Variants in NKAIN3 observed in about 807,000 individuals in gnomAD.
The protein encoded by NKAIN3 is sodium/potassium transporting ATPase interacting 3.
Under a neutral mutation model 30.2 loss-of-function variants are expected in NKAIN3, and 25 were observed. The observed-to-expected ratio is 0.83, with a 90% CI of 0.60 to 1.16. The LOEUF (loss-of-function observed/expected upper bound fraction) is 1.16. Among genes scored for constraint, NKAIN3 ranks in the 50% most tolerant of loss-of-function variants. NKAIN3 has a pLI of 0.00. For missense variants in NKAIN3, 225 were observed against 254.1 expected (o/e 0.89, Z 0.78); for synonymous variants, 91 against 89.6 (o/e 1.02, Z -0.09).
At chr8:62,830,007 T>C (rs987126949) in intron 4 of NKAIN3, among the ~76,000 whole-genome samples, 1 of 152,222 alleles carries the variant, frequency 6.6e-6, no homozygotes, top group Non-Finnish European at 1.5e-5. Flanking sequence ...GACATAAACA[T>C]TGTGTTCTAG....
At chr8:62,662,777 T>C (rs147831825) in intron 3 of NKAIN3, among the ~76,000 whole-genome samples, 1 of 152,320 alleles carries the variant, frequency 6.6e-6, no homozygotes, top group Non-Finnish European at 1.5e-5. Context: ...ATGTACAAAA[T>C]ACTTTAAAAG....
chr8:62,519,574 T>G (rs1482701401), intron 1 of NKAIN3, among the ~76,000 whole-genome samples: 2 of 152,136 alleles, frequency 1.3e-5, no homozygotes, highest in East Asian at 3.9e-4. Context: ...GCTTTTAACT[T>G]AAAGTGATAG....
At chr8:62,580,716 A>T (rs1810260427) in intron 2 of NKAIN3, among the ~76,000 whole-genome samples, 1 of 152,082 alleles carries the variant, frequency 6.6e-6, no homozygotes, top group Admixed American at 6.6e-5. Context: ...AATAGACTGC[A>T]TTCCAATGGC....
intron 3 of NKAIN3, among the ~76,000 whole-genome samples, chr8:62,591,416 A>G (rs1317524206): frequency 6.6e-6 from 1 of 152,012 alleles, no homozygotes; most frequent in Non-Finnish European, 1.5e-5. Context: ...TGTTTATTAT[A>G]CACATGATAT....
At chr8:62,738,402 C>A (rs1280946317) in intron 3 of NKAIN3, among the ~76,000 whole-genome samples, 1 of 152,036 alleles carries the variant, frequency 6.6e-6, no homozygotes, top group Admixed American at 6.6e-5. Context: ...GAGTTCAAGA[C>A]CAGACTGGCC....
rs1356489852 is a variant in NKAIN3 at position 62,965,566 on chromosome 8, C to T, written c.*159C>T. On this transcript the variant is annotated 3_prime_UTR_variant, in exon 7 of 7. Coordinates refer to ENST00000623646, the MANE Select transcript of NKAIN3 (RefSeq NM_001304533.3). ...TTGTTCTCTAGATGAGTTCTAGGTGCTTGGGTGGGTATTTTTTTAGTCGTT... is the reference window on the plus strand; with the variant it reads ...TTGTTCTCTAGATGAGTTCTAGGTGTTTGGGTGGGTATTTTTTTAGTCGTT... 6 of 976,828 alleles carry T rather than the reference C, an allele frequency of 6.1e-6. No homozygotes were observed. The highest frequency in any genetic ancestry group is 7.2e-6 in the Non-Finnish European group (6 of 828,130). 60.5% of individuals were successfully genotyped at this position (976,828 alleles called of 1,614,324 possible).
intron 1 of NKAIN3, among the ~76,000 whole-genome samples, chr8:62,374,039 G>T (rs941423390): frequency 3.3e-5 from 5 of 149,648 alleles, no homozygotes; most frequent in Admixed American, 2.7e-4. Context: ...CTTGAACCTG[G>T]GAGGCAGAGG....
intron 1 of NKAIN3, among the ~76,000 whole-genome samples, chr8:62,457,064 A>T (rs994981177): frequency 6.6e-6 from 1 of 152,212 alleles, no homozygotes; most frequent in Non-Finnish European, 1.5e-5. Flanking sequence ...CCTGGCATGT[A>T]GTAGGTGCTT....
At chr8:62,345,314 C>T (rs1037438623) in intron 1 of NKAIN3, among the ~76,000 whole-genome samples, 1 of 74,758 alleles carries the variant, frequency 1.3e-5, no homozygotes, top group Non-Finnish European at 3.1e-5. Flanking sequence ...TGTATATATA[C>T]ACACATATAT....
intron 4 of NKAIN3, among the ~76,000 whole-genome samples, chr8:62,813,965 C>T (rs1818580517): frequency 6.6e-6 from 1 of 152,024 alleles, no homozygotes; most frequent in Non-Finnish European, 1.5e-5. Context: ...TATATCATCT[C>T]ATTCTGTCCA....
chr8:62,721,669 A>G (rs989828115), intron 3 of NKAIN3, among the ~76,000 whole-genome samples: 2 of 152,230 alleles, frequency 1.3e-5, no homozygotes, highest in Non-Finnish European at 2.9e-5. Flanking sequence ...AGAAAAAAAT[A>G]TGCATTCATT....
At chr8:62,568,053 A>G (rs1809812809) in intron 1 of NKAIN3, among the ~76,000 whole-genome samples, 1 of 152,192 alleles carries the variant, frequency 6.6e-6, no homozygotes, top group South Asian at 2.1e-4. Context: ...GAAAAGTGCA[A>G]CTTTCCTTTT....
At chr8:62,963,460 G>A (rs77881920) in intron 6 of NKAIN3, among the ~76,000 whole-genome samples, 173 of 152,240 alleles carry the variant, frequency 1.1e-3, no homozygotes, top group African/African-American at 4.1e-3. Flanking sequence ...TGGTGTTAAA[G>A]ATAAATGTAA....
At chr8:62,481,031 A>G (rs1211305175) in intron 1 of NKAIN3, among the ~76,000 whole-genome samples, 2 of 152,192 alleles carry the variant, frequency 1.3e-5, no homozygotes, top group African/African-American at 4.8e-5. Context: ...GTAGTTATTT[A>G]AAAACTCAAC....
intron 1 of NKAIN3, among the ~76,000 whole-genome samples, chr8:62,516,255 T>C (rs889029627): frequency 1.2e-4 from 18 of 152,272 alleles, no homozygotes; most frequent in African/African-American, 3.8e-4. Context: ...TTCAAGGTTG[T>C]TGATTTTTCT....
intron 1 of NKAIN3, among the ~76,000 whole-genome samples, chr8:62,394,764 T>C (rs1651678342): frequency 6.7e-6 from 1 of 149,556 alleles, no homozygotes; most frequent in Admixed American, 6.7e-5. Flanking sequence ...GCAGAGGCGC[T>C]CATCACTTCT....
chr8:62,960,735 G>GCGCACACA (rs1554596932), intron 6 of NKAIN3, among the ~76,000 whole-genome samples: 179 of 148,538 alleles, frequency 1.2e-3, no homozygotes, highest in African/African-American at 4.3e-3. Flanking sequence ...CAGGAAAAAA[G>GCGCACACA]CACACACACA....
At chr8:62,898,466 C>A (rs1410184398) in intron 4 of NKAIN3, among the ~76,000 whole-genome samples, 1 of 152,006 alleles carries the variant, frequency 6.6e-6, no homozygotes, top group Non-Finnish European at 1.5e-5. Context: ...GAGTGAAAAA[C>A]CAAATATCAT....
At chr8:62,506,816 T>G (rs776123891) in intron 1 of NKAIN3, among the ~76,000 whole-genome samples, 1 of 152,078 alleles carries the variant, frequency 6.6e-6, no homozygotes, top group Non-Finnish European at 1.5e-5. Context: ...TAAAAGAGGG[T>G]GTCTGAGGTG....
Sources: gnomAD v4.1 joint callset for allele counts (sites outside exome capture counted in the v4.1 genomes callset) on GRCh38, gnomAD v4.1.1 for gene constraint, MANE v1.5 for transcripts, NCBI Gene and HGNC (gene_info 2026-07-23, HGNC 2026-07-21) for gene names.